The following ATP8A2 variants were observed in gnomAD, a reference collection of about 807,000 sequenced individuals.
ATP8A2 encodes the protein phospholipid-transporting ATPase IB.
A neutral mutation model predicts 165.6 loss-of-function variants in ATP8A2; 100 were observed. The ratio of observed to expected loss-of-function variants is 0.60; its 90% CI spans 0.51 to 0.71. The LOEUF (loss-of-function observed/expected upper bound fraction) is 0.71. Among genes scored for constraint, ATP8A2 ranks in the 30% least tolerant of loss-of-function variants. ATP8A2 has a pLI of 0.00. For missense variants in ATP8A2, 1,227 were observed against 1,479.5 expected, an observed-to-expected ratio of 0.83 and a Z score of 2.80; for synonymous variants, 543 against 548.8, an observed-to-expected ratio of 0.99 and a Z score of 0.15.
chr13:25,751,200 G>A (rs1344949714), intron 25 of ATP8A2, among the ~76,000 whole-genome samples: 1 of 152,116 alleles, frequency 6.6e-6, no homozygotes, highest in African/African-American at 2.4e-5. Flanking sequence ...GTCAACAGAT[G>A]CCCTGAGGGC....
At chr13:25,715,899 C>T (rs1396367153) in intron 25 of ATP8A2, among the ~76,000 whole-genome samples, 1 of 152,160 alleles carries the variant, frequency 6.6e-6, no homozygotes, top group Non-Finnish European at 1.5e-5. Context: ...TTCTAAGTGG[C>T]TACACCACTT....
chr13:25,892,818 T>TC (rs1953418403), intron 33 of ATP8A2, among the ~76,000 whole-genome samples: 1 of 150,438 alleles, frequency 6.6e-6, no homozygotes, highest in African/African-American at 2.4e-5. Context: ...TTTTTTTTTT[T>TC]CGCATCAAAA....
intron 27 of ATP8A2, among the ~76,000 whole-genome samples, chr13:25,794,288 G>A (rs1225723718): frequency 6.6e-6 from 1 of 152,222 alleles, no homozygotes; most frequent in East Asian, 1.9e-4. Flanking sequence ...CCTTGACTGA[G>A]AAGTGGATAA....
chr13:26,019,353 C>T (rs1957048374), intron 36 of ATP8A2, among the ~76,000 whole-genome samples: 1 of 152,176 alleles, frequency 6.6e-6, no homozygotes, highest in African/African-American at 2.4e-5. Context: ...GCTGGGATCG[C>T]GCCACTGCAC....
At chr13:25,486,118 C>T (rs945337216) in intron 2 of ATP8A2, among the ~76,000 whole-genome samples, 6 of 152,158 alleles carry the variant, frequency 3.9e-5, no homozygotes, top group Non-Finnish European at 8.8e-5. Context: ...TTCTGAGGTC[C>T]TTCTGTGTCT....
At chr13:25,861,955 A>T (rs1952366752) in intron 32 of ATP8A2, among the ~76,000 whole-genome samples, 2 of 152,248 alleles carry the variant, frequency 1.3e-5, no homozygotes, top group African/African-American at 4.8e-5. Flanking sequence ...CTGTTACCAG[A>T]TTAATGAGTC....
At chr13:25,592,873 A>G (rs1413062848) in intron 24 of ATP8A2, among the ~76,000 whole-genome samples, 1 of 152,208 alleles carries the variant, frequency 6.6e-6, no homozygotes, top group East Asian at 1.9e-4. Context: ...TTAACCTTCT[A>G]AGAATGATTC....
At chr13:25,427,458 T>G (rs984053936) in intron 1 of ATP8A2, among the ~76,000 whole-genome samples, 4 of 152,102 alleles carry the variant, frequency 2.6e-5, no homozygotes, top group African/African-American at 4.8e-5. Flanking sequence ...GTAATGTGCT[T>G]GAATCATCCT....
chr13:25,828,438 T>C (rs1265669724), intron 28 of ATP8A2, among the ~76,000 whole-genome samples: 1 of 152,228 alleles, frequency 6.6e-6, no homozygotes, highest in East Asian at 1.9e-4. Flanking sequence ...CCATATATCT[T>C]GATAATAGAC....
At position 25,829,693 on chromosome 13, in the gene ATP8A2, T is replaced by G. The variant is rs1485612498; in HGVS notation, c.2754+1501T>G. On this transcript the variant is annotated intron_variant, in intron 28 of 36. Transcript: ENST00000381655. ...GTATATATATATATATATATATATATATATATATATATATATATATATATA... is the reference window on the plus strand; with the variant it reads ...GTATATATATATATATATATATATAGATATATATATATATATATATATATA... Among the ~76,000 whole-genome samples the G allele has an allele frequency of 3.4e-5, 2 of 58,574 alleles. 1 individual carries two copies. The highest frequency in any genetic ancestry group is 7.3e-5 in the Non-Finnish European group (2 of 27,528). 38.4% of individuals were successfully genotyped at this position (58,574 alleles called of 152,430 possible). A position where few individuals can be genotyped will look rare whatever the true frequency, so the allele number is the denominator to read the frequency against.
At chr13:25,859,123 A>G (rs1393864156) in intron 30 of ATP8A2, among the ~76,000 whole-genome samples, 1 of 152,152 alleles carries the variant, frequency 6.6e-6, no homozygotes, top group Non-Finnish European at 1.5e-5. Context: ...AATTGCTTGA[A>G]TCCAGGAGGC....
At chr13:25,768,716 C>T (rs938423023) in intron 25 of ATP8A2, among the ~76,000 whole-genome samples, 7 of 152,132 alleles carry the variant, frequency 4.6e-5, no homozygotes, top group Admixed American at 4.6e-4. Context: ...TTCCGAAGAC[C>T]CCTGTAACTA....
At chr13:25,388,580 G>T (rs540690666) in intron 1 of ATP8A2, among the ~76,000 whole-genome samples, 1 of 152,116 alleles carries the variant, frequency 6.6e-6, no homozygotes, top group African/African-American at 2.4e-5. Flanking sequence ...AGGGATTTTC[G>T]CAGTGCTTTT....
intron 33 of ATP8A2, among the ~76,000 whole-genome samples, chr13:25,930,864 C>T (rs1954754026): frequency 6.6e-6 from 1 of 152,230 alleles, no homozygotes; most frequent in African/African-American, 2.4e-5. Context: ...GCCTCCTCCA[C>T]ATCCCCCACA....
rs571989113 is a variant in ATP8A2 at position 25,512,905 on chromosome 13, G to A, written c.222-17094G>A. Among the ~76,000 whole-genome samples, 380 of 144,958 alleles carry A rather than the reference G, an allele frequency of 2.6e-3. 4 individuals carry two copies. Among genetic ancestry groups the A allele is most frequent in the African/African-American group, 9.2e-3 (359 of 39,062 alleles). On this transcript the variant is annotated intron_variant, in intron 2 of 36. Coordinates refer to ENST00000381655, the MANE Select transcript of ATP8A2 (RefSeq NM_016529.6). ...TCCCGGACGGGGTGGCTGGCCAGGC[G>A]GGGGGCTGACCCCCCCACCTCCCTC...
At chr13:25,642,210 A>C (rs548492474) in intron 24 of ATP8A2, among the ~76,000 whole-genome samples, 1 of 152,232 alleles carries the variant, frequency 6.6e-6, no homozygotes, top group African/African-American at 2.4e-5. Context: ...TCATGTCTAC[A>C]ACACCAAAAG....
intron 33 of ATP8A2, among the ~76,000 whole-genome samples, chr13:25,912,155 G>GACACACACACACACACACACAC (rs3056187): frequency 7.1e-6 from 1 of 141,148 alleles, no homozygotes; most frequent in Non-Finnish European, 1.5e-5. Flanking sequence ...GAAAATGTGA[G>GACACACACACACACACACACAC]ACACACACAC....
intron 30 of ATP8A2, among the ~76,000 whole-genome samples, chr13:25,848,213 C>T (rs1040784256): frequency 3.3e-5 from 5 of 152,264 alleles, no homozygotes; most frequent in Non-Finnish European, 7.3e-5. Context: ...GTCTGCCTGT[C>T]TTACCATATC....
intron 2 of ATP8A2, among the ~76,000 whole-genome samples, chr13:25,475,532 C>T (rs959964250): frequency 2.0e-5 from 3 of 152,128 alleles, no homozygotes; most frequent in African/African-American, 7.2e-5. Flanking sequence ...TGGTGTATAC[C>T]CAGTAATGGG....
Sources: allele counts gnomAD v4.1 joint callset (sites outside exome capture counted in the v4.1 genomes callset), GRCh38; gene constraint gnomAD v4.1.1; transcripts MANE v1.5; gene names NCBI Gene and HGNC (gene_info 2026-07-23, HGNC 2026-07-21).